Variants in HAPLN1 observed in about 807,000 individuals in gnomAD.
HAPLN1 encodes Cartilage link protein.
In HAPLN1, 13 loss-of-function variants were observed where a neutral mutation model predicts 36.5. That is an observed-to-expected ratio of 0.36 (90% confidence interval 0.23 to 0.57). The LOEUF (loss-of-function observed/expected upper bound fraction) is 0.57, where lower values mean the gene tolerates loss of function less well. Ranked by LOEUF, HAPLN1 falls within the 20% of genes least tolerant of loss-of-function variation. The probability of loss-of-function intolerance (pLI) is 0.83; values close to 1 mark genes in which losing one functional copy is unlikely to be tolerated. For missense variants in HAPLN1, 407 were observed against 439.7 expected (o/e 0.93, Z 0.66); for synonymous variants, 202 against 169.8 (o/e 1.19, Z -1.48).
intron 4 of HAPLN1, among the ~76,000 whole-genome samples, chr5:83,643,041 C>T (rs1347736429): frequency 6.6e-6 from 1 of 151,946 alleles, no homozygotes; most frequent in Non-Finnish European, 1.5e-5. Flanking sequence ...AAAAGATTGT[C>T]GGCCAGGCAC....
At chr5:83,701,927 AAC>A (rs112813015) in intron 1 of HAPLN1, among the ~76,000 whole-genome samples, 9,186 of 143,708 alleles carry the variant, frequency 0.064, 749 homozygotes, top group African/African-American at 0.2. Context: ...CTTCGACAAA[AAC>A]ACACACACAC....
At chr5:83,678,616 C>A (rs1221535369) in intron 1 of HAPLN1, among the ~76,000 whole-genome samples, 1 of 152,156 alleles carries the variant, frequency 6.6e-6, no homozygotes, top group East Asian at 1.9e-4. Context: ...TCTGGGTCCA[C>A]TGCTCTTCTC....
At chr5:83,652,858 C>A (rs1158095317) in intron 2 of HAPLN1, 34 bp from the exon 3 acceptor site, 1 of 1,494,920 alleles carries the variant, frequency 6.7e-7, no homozygotes, top group Non-Finnish European at 9.0e-7. Flanking sequence ...AAGAAAATAA[C>A]TATTAATATA....
At chr5:83,644,239 A>G (rs1204736503) in intron 4 of HAPLN1, 124 bp downstream of exon 4, 1 of 784,438 alleles carries the variant, frequency 1.3e-6, no homozygotes, top group Non-Finnish European at 1.8e-6. Flanking sequence ...TTTAAACTAC[A>G]GCAAAACTTC....
At chr5:83,659,616 G>A (rs942530400) in intron 2 of HAPLN1, among the ~76,000 whole-genome samples, 73 of 151,870 alleles carry the variant, frequency 4.8e-4, no homozygotes, top group African/African-American at 1.7e-3. Context: ...GAAGTTGAGG[G>A]AATTTAACAA....
chr5:83,650,824 C>T (rs1013386092), intron 3 of HAPLN1, among the ~76,000 whole-genome samples: 4 of 151,468 alleles, frequency 2.6e-5, no homozygotes, highest in African/African-American at 4.8e-5. Flanking sequence ...TTAGTAGAGA[C>T]GGGGTTTCAC....
rs1750098184 is a variant in HAPLN1, at chr5:83,652,553, C to G, written c.372G>C (p.Leu124=). 6.2e-7 allele frequency: 1 copy of G among 1,614,022 alleles called. No homozygotes were observed. The highest frequency in any genetic ancestry group is 8.5e-7 in the Non-Finnish European group (1 of 1,180,006). Residue 124 remains leucine, a synonymous_variant, in exon 3 of 5, where the codon CTG becomes CTC. Transcript: ENST00000274341. ...LKGGSDSDAS[L]VITDLTLEDY... is the part of the protein sequence containing the mutation. Reference sequence around the variant, plus strand: ...CTTCCAGAGTGAGGTCTGTGATGACCAGAGAAGCATCACTATCACTGCCTC... The same window carrying G: ...CTTCCAGAGTGAGGTCTGTGATGACGAGAGAAGCATCACTATCACTGCCTC...
At position 83,659,877 on chromosome 5, in the gene HAPLN1, C is replaced by T. The variant is rs116087679; in HGVS notation, c.101-7053G>A. On this transcript the variant is annotated intron_variant, in intron 2 of 4. Transcript: ENST00000274341. ...AACCATAAAGGAAAAAAATCTAATG[C>T]TGAAAATAGGATAAGTGGAGATCTT... Among the ~76,000 whole-genome samples, 92 of 152,084 alleles carry T rather than the reference C, an allele frequency of 6.0e-4. 1 individual carries two copies. The highest frequency in any genetic ancestry group is 2.1e-3 in the African/African-American group (87 of 41,430).
At chr5:83,656,126 G>A (rs776770540) in intron 2 of HAPLN1, among the ~76,000 whole-genome samples, 5 of 151,894 alleles carry the variant, frequency 3.3e-5, no homozygotes, top group Non-Finnish European at 7.4e-5. Context: ...TCAGGAGTTC[G>A]AGATCAGCCT....
chr5:83,647,788 A>G (rs1475952247), intron 3 of HAPLN1, among the ~76,000 whole-genome samples: 6 of 152,202 alleles, frequency 3.9e-5, no homozygotes, highest in Non-Finnish European at 8.8e-5. Flanking sequence ...AGTTAAAGTA[A>G]GCTTTAATAA....
chr5:83,645,475 C>CTTTT, intron 3 of HAPLN1, among the ~76,000 whole-genome samples: 6 of 74,370 alleles, frequency 8.1e-5, no homozygotes, highest in Admixed American at 3.1e-4. Context: ...CTTTTTCTTT[C>CTTTT]TTTTTTTTTT....
At chr5:83,707,150 C>T (rs1751672315) in intron 1 of HAPLN1, among the ~76,000 whole-genome samples, 3 of 152,156 alleles carry the variant, frequency 2.0e-5, no homozygotes, top group African/African-American at 7.2e-5. Flanking sequence ...TTAAAATGAC[C>T]ATACTGCCCA....
chr5:83,692,816 ATGCATGACAAC>A (rs1011943634), intron 1 of HAPLN1, among the ~76,000 whole-genome samples: 3 of 151,914 alleles, frequency 2.0e-5, no homozygotes, highest in African/African-American at 7.2e-5. Flanking sequence ...TAGAAGCAAA[ATGCATGACAAC>A]TGCATAACAA....
At chr5:83,703,081 T>C (rs1328114228) in intron 1 of HAPLN1, among the ~76,000 whole-genome samples, 1 of 152,198 alleles carries the variant, frequency 6.6e-6, no homozygotes, top group Non-Finnish European at 1.5e-5. Flanking sequence ...TGTTGGGGCA[T>C]TGCAGTGCTT....
chr5:83,689,591 G>T (rs2112618420), intron 1 of HAPLN1, among the ~76,000 whole-genome samples: 1 of 152,204 alleles, frequency 6.6e-6, no homozygotes, highest in African/African-American at 2.4e-5. Context: ...GCAGTGGAAT[G>T]ATAATATCAA....
intron 1 of HAPLN1, among the ~76,000 whole-genome samples, chr5:83,700,890 T>C (rs1477997041): frequency 6.6e-6 from 1 of 152,122 alleles, no homozygotes; most frequent in Admixed American, 6.5e-5. Context: ...CAAAATAAAG[T>C]TTTTCAACTC....
At chr5:83,680,981 G>A (rs977362940) in intron 1 of HAPLN1, among the ~76,000 whole-genome samples, 2 of 152,016 alleles carry the variant, frequency 1.3e-5, no homozygotes, top group African/African-American at 4.8e-5. Context: ...TGATATATTG[G>A]CTTTATAAGA....
intron 2 of HAPLN1, among the ~76,000 whole-genome samples, chr5:83,657,457 A>G (rs969389599): frequency 2.0e-5 from 3 of 152,146 alleles, no homozygotes; most frequent in African/African-American, 7.2e-5. Context: ...ACATTTTATG[A>G]ATCATCATGG....
intron 1 of HAPLN1, among the ~76,000 whole-genome samples, chr5:83,701,943 C>G (rs1209043799): frequency 1.3e-5 from 2 of 151,892 alleles, no homozygotes; most frequent in African/African-American, 4.8e-5. Flanking sequence ...CACACACACA[C>G]ACACACACAC....
Sources: allele counts gnomAD v4.1 joint callset (sites outside exome capture counted in the v4.1 genomes callset), GRCh38; gene constraint gnomAD v4.1.1; transcripts MANE v1.5; gene names NCBI Gene and HGNC (gene_info 2026-07-23, HGNC 2026-07-21).